The following ABCA12 variants were observed in gnomAD, a reference collection of about 807,000 sequenced individuals.
ABCA12 encodes ATP binding cassette subfamily A member 12.
ABCA12 carries 156 observed loss-of-function variants against 293.5 expected under a neutral mutation model. The ratio of observed to expected loss-of-function variants is 0.53; its 90% CI spans 0.47 to 0.61. The LOEUF (loss-of-function observed/expected upper bound fraction) is 0.61. Among genes scored for constraint, ABCA12 ranks in the 20% least tolerant of loss-of-function variants. The probability of loss-of-function intolerance (pLI) is 0.00; values close to 1 mark genes in which losing one functional copy is unlikely to be tolerated. For missense variants in ABCA12, 2,797 were observed against 3,090.2 expected (o/e 0.91, Z 2.25); for synonymous variants, 1,063 against 1,108.0 (o/e 0.96, Z 0.81).
chr2:215,021,310 T>A (rs1700626800), intron 11 of ABCA12, among the ~76,000 whole-genome samples: 1 of 152,218 alleles, frequency 6.6e-6, no homozygotes, highest in Admixed American at 6.5e-5. Context: ...CTCTCTTAGG[T>A]ATTACAGGAT....
At chr2:215,061,591 A>T (rs1701529440) in intron 3 of ABCA12, among the ~76,000 whole-genome samples, 1 of 152,128 alleles carries the variant, frequency 6.6e-6, no homozygotes, top group South Asian at 2.1e-4. Flanking sequence ...TATAAAGCAT[A>T]AAAGTTAATA....
chr2:215,012,103 T>C lies in ABCA12; in HGVS notation c.1989A>G (p.Val663=). Residue 663 remains valine, a synonymous_variant, in exon 16 of 53, where the codon GTA becomes GTG. Coordinates refer to ENST00000272895, the MANE Select transcript of ABCA12 (RefSeq NM_173076.3). ...VFFPRKDQKP[V]EKMMELFIRL... ...TTATGAAGAGCTCCATCATCTTTTC[T>C]ACTGGCTTTTGATCTTTCCTCGGGA... 1.2e-6 allele frequency: 2 copies of C among 1,614,056 alleles called. No individual in the cohort carries two copies. Among genetic ancestry groups the C allele is most frequent in the Non-Finnish European group, 1.7e-6 (2 of 1,179,932 alleles).
At chr2:215,035,105 A>G (rs1700963661) in intron 8 of ABCA12, among the ~76,000 whole-genome samples, 2 of 152,186 alleles carry the variant, frequency 1.3e-5, no homozygotes, top group African/African-American at 4.8e-5. Flanking sequence ...TCTGCCTTCA[A>G]TGACAAGTTT....
chr2:214,971,363 T>C (rs1467725167), intron 36 of ABCA12, among the ~76,000 whole-genome samples: 1 of 152,162 alleles, frequency 6.6e-6, no homozygotes, highest in Non-Finnish European at 1.5e-5. Flanking sequence ...TTTTAAATTA[T>C]ACTATACATA....
chr2:215,109,370 G>T (rs1392010334), intron 2 of ABCA12, among the ~76,000 whole-genome samples: 1 of 152,114 alleles, frequency 6.6e-6, no homozygotes, highest in Non-Finnish European at 1.5e-5. Flanking sequence ...ATCTCCCTGT[G>T]TTGCAGGTTT....
chr2:214,935,126 G>C (rs1221231022), intron 51 of ABCA12, among the ~76,000 whole-genome samples: 1 of 152,150 alleles, frequency 6.6e-6, no homozygotes, highest in Non-Finnish European at 1.5e-5. Flanking sequence ...GCATTGCTTA[G>C]CGTCTCCCAT....
intron 27 of ABCA12, 57 bp downstream of exon 27, chr2:214,987,590 T>C: frequency 1.3e-6 from 2 of 1,573,414 alleles, no homozygotes; most frequent in Non-Finnish European, 1.7e-6. Flanking sequence ...CTACTAGTCA[T>C]GTAATTTCAT....
chr2:215,062,139 C>T (rs1396333800), intron 3 of ABCA12, among the ~76,000 whole-genome samples: 3 of 152,020 alleles, frequency 2.0e-5, no homozygotes, highest in Admixed American at 6.6e-5. Flanking sequence ...CTTGCTTCAG[C>T]TTCCCTCTGG....
At chr2:214,950,384 C>CTACACGTG (rs776307447) in intron 45 of ABCA12, among the ~76,000 whole-genome samples, 4 of 116,584 alleles carry the variant, frequency 3.4e-5, no homozygotes, top group Non-Finnish European at 7.7e-5. Flanking sequence ...ATATATATAT[C>CTACACGTG]TGTGTGTGTG....
intron 45 of ABCA12, 49 bp downstream of exon 45, chr2:214,950,830 A>G: frequency 1.9e-6 from 3 of 1,575,390 alleles, no homozygotes; most frequent in Non-Finnish European, 1.7e-6. Context: ...AATTTGTCAC[A>G]TAGTATGCCA....
At chr2:214,980,372 T>C in intron 31 of ABCA12, 111 bp downstream of exon 31, 1 of 1,417,860 alleles carries the variant, frequency 7.1e-7, no homozygotes, top group African/African-American at 1.4e-5. Flanking sequence ...AGCAGTAAGC[T>C]AGTATACTAA....
chr2:215,127,337 T>C (rs1460447499), intron 1 of ABCA12, among the ~76,000 whole-genome samples: 1 of 152,188 alleles, frequency 6.6e-6, no homozygotes, highest in Non-Finnish European at 1.5e-5. Flanking sequence ...TCTAATCCTT[T>C]GTTTCTTTGT....
Position 214,975,885 on chromosome 2 carries a change from C to T in ABCA12, c.5281G>A (p.Ala1761Thr). The T allele has an allele frequency of 2.5e-6, 4 of 1,614,080 alleles. No individual in the cohort carries two copies. The highest frequency in any genetic ancestry group is 2.5e-6 in the Non-Finnish European group (3 of 1,179,982). ...VILPIVFVTT[A>T]MGLGTLRNSS... The stretch of plus-strand genomic sequence containing the variant: ...TTTCTCAGTGTGCCAAGGCCCATGG[C>T]AGTGGTAACAAAGACGATGGGGAGG... The change falls in exon 34 of 53, where the codon GCC becomes ACC. Residue 1761 changes from alanine (A) to threonine (T), a missense_variant. Ala to Thr is a moderately conservative substitution (Grantham distance 58). Transcript: ENST00000272895.
At chr2:215,083,369 A>G (rs1701980168) in intron 2 of ABCA12, among the ~76,000 whole-genome samples, 1 of 152,208 alleles carries the variant, frequency 6.6e-6, no homozygotes, top group Admixed American at 6.5e-5. Context: ...TGAATATGAC[A>G]TCACAGTGAC....
In ABCA12 at chr2:215,062,386, G is replaced by A. The variant is rs1053933189; in HGVS notation, c.317+1680C>T. ...CTTCTTACAGAATTAATTGCACACC[G>A]GTGCTCATTGAGGTCATGCTTGTAT... On this transcript the variant is annotated intron_variant, in intron 3 of 52. Transcript: ENST00000272895. Among the ~76,000 whole-genome samples, 8 of 152,036 alleles carry A rather than the reference G, an allele frequency of 5.3e-5. No individual in the cohort carries two copies. In the South Asian group the frequency reaches 6.2e-4, roughly 12 times the overall value.
intron 37 of ABCA12, among the ~76,000 whole-genome samples, chr2:214,969,038 G>T (rs1450661808): frequency 6.6e-6 from 1 of 151,990 alleles, no homozygotes; most frequent in Non-Finnish European, 1.5e-5. Context: ...AATTGCATAT[G>T]TTTAGTAGTC....
intron 2 of ABCA12, among the ~76,000 whole-genome samples, chr2:215,087,768 G>A (rs376322488): frequency 1.3e-5 from 2 of 152,044 alleles, no homozygotes; most frequent in East Asian, 3.8e-4. Context: ...AGAATGACAG[G>A]GAAGGGAGAG....
At chr2:214,966,009 G>T (rs1265175353) in intron 39 of ABCA12, among the ~76,000 whole-genome samples, 1 of 152,170 alleles carries the variant, frequency 6.6e-6, no homozygotes, top group East Asian at 1.9e-4. Flanking sequence ...TGACAGACTG[G>T]ATAAATAAAA....
intron 51 of ABCA12, among the ~76,000 whole-genome samples, chr2:214,934,505 G>A (rs1250536913): frequency 6.6e-6 from 1 of 152,136 alleles, no homozygotes; most frequent in Non-Finnish European, 1.5e-5. Context: ...AAGAATTTGT[G>A]GAATGGTATT....
Sources: gnomAD v4.1 joint callset for allele counts (sites outside exome capture counted in the v4.1 genomes callset) on GRCh38, gnomAD v4.1.1 for gene constraint, MANE v1.5 for transcripts, NCBI Gene and HGNC (gene_info 2026-07-23, HGNC 2026-07-21) for gene names.